PTPRU: variants seen among roughly 807,000 people sequenced by gnomAD.
PTPRU encodes the protein receptor-type tyrosine-protein phosphatase U.
Under a neutral mutation model 166.3 loss-of-function variants are expected in PTPRU, and 69 were observed. The observed-to-expected ratio is 0.41, with a 90% CI of 0.34 to 0.51. The LOEUF (loss-of-function observed/expected upper bound fraction) is 0.51, where lower values mean the gene tolerates loss of function less well. Ranked by LOEUF, PTPRU falls within the 20% of genes least tolerant of loss-of-function variation. PTPRU has a pLI of 0.09. For synonymous variants in PTPRU, 793 were observed against 814.0 expected (o/e 0.97, Z 0.44); for missense variants, 1,657 against 2,013.7 (o/e 0.82, Z 3.39).
chr1:29,275,864 T>G, intron 8 of PTPRU, 108 bp downstream of exon 8: 1 of 1,248,624 alleles, frequency 8.0e-7, no homozygotes, highest in Non-Finnish European at 1.1e-6. Context: ...TTGCTTAGGA[T>G]TAAACCAACT....
intron 15 of PTPRU, among the ~76,000 whole-genome samples, chr1:29,296,219 A>G (rs1421103392): frequency 6.6e-6 from 1 of 152,192 alleles, no homozygotes; most frequent in Non-Finnish European, 1.5e-5. Context: ...TGACTTTAAC[A>G]GGAATGTTTC....
intron 7 of PTPRU, among the ~76,000 whole-genome samples, chr1:29,272,823 C>T (rs1202566745): frequency 6.9e-6 from 1 of 145,044 alleles, no homozygotes; most frequent in African/African-American, 2.6e-5. Flanking sequence ...AGGAGGATCA[C>T]TTGAGCCGGG....
chr1:29,301,969 A>T (rs1574693198), intron 15 of PTPRU, among the ~76,000 whole-genome samples: 1 of 152,076 alleles, frequency 6.6e-6, no homozygotes. Context: ...ACATTTTCTT[A>T]ATCCAGTCTA....
chr1:29,303,745 T>A (rs555961816), intron 15 of PTPRU, 110 bp from the exon 16 acceptor site: 10 of 1,195,814 alleles, frequency 8.4e-6, no homozygotes, highest in Non-Finnish European at 1.2e-5. Context: ...ACAACCCAGC[T>A]ATGCTTGGCA....
At chr1:29,270,542 A>G (rs1192784077) in intron 7 of PTPRU, among the ~76,000 whole-genome samples, 2 of 152,096 alleles carry the variant, frequency 1.3e-5, no homozygotes, top group Non-Finnish European at 2.9e-5. Context: ...CCCCTGAGCG[A>G]TCCTGCCTTG....
At position 29,279,425 on chromosome 1, in the gene PTPRU, G is replaced by A. The variant is rs1369129226; in HGVS notation, c.1564-31G>A. 2.5e-6 allele frequency: 4 copies of A among 1,600,794 alleles called. No individual in the cohort carries two copies. Among genetic ancestry groups the A allele is most frequent in the Non-Finnish European group, 3.4e-6 (4 of 1,168,372 alleles). ...TGGTCAGGGATGCTCTGACCATCCA[G>A]TGCCCACCTGCCTGCCAATCCTGCC... On this transcript the variant is annotated intron_variant, in intron 9 of 29. Coordinates refer to ENST00000373779, the MANE Select transcript of PTPRU (RefSeq NM_133178.4). This position sits in a 1 kb window ranked among gnomAD's most constrained non-coding sequence, Gnocchi z 5.2.
chr1:29,253,565 A>G (rs765460514), intron 1 of PTPRU, among the ~76,000 whole-genome samples: 3 of 152,020 alleles, frequency 2.0e-5, no homozygotes, highest in Non-Finnish European at 4.4e-5. Flanking sequence ...TATATATATA[A>G]ATAAATATGT....
At chr1:29,285,823 C>T (rs1222487897) in intron 14 of PTPRU, among the ~76,000 whole-genome samples, 3 of 152,240 alleles carry the variant, frequency 2.0e-5, no homozygotes, top group Non-Finnish European at 2.9e-5. Context: ...TTTGCCAGCT[C>T]TGCCCCACCA....
At chr1:29,265,723 T>C (rs1685271152) in intron 7 of PTPRU, among the ~76,000 whole-genome samples, 1 of 152,314 alleles carries the variant, frequency 6.6e-6, no homozygotes, top group Admixed American at 6.5e-5. Flanking sequence ...CATCTGTTCA[T>C]GTCTTTGAAC....
chr1:29,305,257 C>T, intron 17 of PTPRU, 95 bp from the exon 18 acceptor site: 1 of 1,236,800 alleles, frequency 8.1e-7, no homozygotes, highest in South Asian at 1.2e-5. Context: ...GCTGCCCTGC[C>T]TGTGCCCTAT....
intron 12 of PTPRU, among the ~76,000 whole-genome samples, chr1:29,283,405 G>A (rs1686192666): frequency 6.9e-6 from 1 of 144,368 alleles, no homozygotes; most frequent in African/African-American, 2.6e-5. Context: ...CCCCCTTCCT[G>A]AGCCTTCTTT....
rs1178665612 is a variant in PTPRU at position 29,311,986 on chromosome 1, A to G, written c.3072+227A>G. Among the ~76,000 whole-genome samples, 2 of 152,244 alleles carry G rather than the reference A, an allele frequency of 1.3e-5. No homozygotes were observed. The highest frequency in any genetic ancestry group is 2.9e-5 in the Non-Finnish European group (2 of 68,034). ...AAGCTGAGACAATGAAGGGGGTGAC[A>G]GTATCTGCCAGGTGCTGGCTCCTAC... On this transcript the variant is annotated intron_variant, in intron 21 of 29. Transcript: ENST00000373779. The surrounding 1 kb of genome is among the most constrained non-coding windows in gnomAD (Gnocchi z 4.1).
intron 4 of PTPRU, 38 bp from the exon 5 acceptor site, chr1:29,259,411 G>T (rs1684924894): frequency 1.9e-6 from 3 of 1,607,126 alleles, no homozygotes; most frequent in Non-Finnish European, 2.6e-6. Context: ...CCTGCAGGGG[G>T]TGCAGGCCCA....
chr1:29,279,714 T>C lies in PTPRU; in HGVS notation c.1765+57T>C. 6.4e-7 allele frequency: 1 copy of C among 1,565,692 alleles called. No homozygotes were observed. The highest frequency in any genetic ancestry group is 8.7e-7 in the Non-Finnish European group (1 of 1,145,698). ...CGGAGGTGGCCCAGAATCCCAGGGT[T>C]CCATGGGCAGAAGGGAAATGGGGGG... is the stretch of plus-strand genomic sequence containing the variant. On this transcript the variant is annotated intron_variant, in intron 10 of 29. Transcript: ENST00000373779. This position sits in a 1 kb window ranked among gnomAD's most constrained non-coding sequence, Gnocchi z 5.2.
intron 14 of PTPRU, among the ~76,000 whole-genome samples, chr1:29,289,445 A>G (rs1313627798): frequency 6.6e-6 from 1 of 151,378 alleles, no homozygotes; most frequent in East Asian, 1.9e-4. Flanking sequence ...TCCTTTTCCC[A>G]CCTCCTCCTC....
rs1688129617 is a variant in PTPRU, at chr1:29,320,909, G to A, written c.3828+84G>A. On this transcript the variant is annotated intron_variant, in intron 26 of 29. Transcript: ENST00000373779. This position sits in a 1 kb window ranked among gnomAD's most constrained non-coding sequence, Gnocchi z 5.2. ...AGGGCCATGGTCCCCAAAGCCAAAAGTTGGGTCCCAGCTCTGCCATCTATT... is the reference window on the plus strand; with the variant it reads ...AGGGCCATGGTCCCCAAAGCCAAAAATTGGGTCCCAGCTCTGCCATCTATT... The A allele has an allele frequency of 1.4e-6, 2 of 1,379,892 alleles. No individual in the cohort carries two copies. Among genetic ancestry groups the A allele is most frequent in the Non-Finnish European group, 1.9e-6 (2 of 1,039,740 alleles). 85.5% of individuals were successfully genotyped at this position (1,379,892 alleles called of 1,614,324 possible).
Position 29,292,505 on chromosome 1 carries a change from C to T in PTPRU, c.2476+479C>T, listed in dbSNP as rs143739855. On this transcript the variant is annotated intron_variant, in intron 15 of 29. Transcript: ENST00000373779. ...TGCAGATTGCCTCTGCTAGTAGGGC[C>T]GATGTGAAGACTAAATGAGATAATG... 6.1e-3 allele frequency among the ~76,000 whole-genome samples: 927 copies of T among 152,122 alleles called. 13 individuals are homozygous for T. Among genetic ancestry groups the T allele is most frequent in the African/African-American group, 0.022 (898 of 41,498 alleles).
At chr1:29,303,828 A>G in intron 15 of PTPRU, 27 bp from the exon 16 acceptor site, 2 of 1,579,280 alleles carry the variant, frequency 1.3e-6, no homozygotes, top group Non-Finnish European at 1.7e-6. Flanking sequence ...GTGTGTCAAG[A>G]ACCCTTTTGT....
chr1:29,305,796 C>A (rs1468393172), intron 18 of PTPRU, among the ~76,000 whole-genome samples: 2 of 152,204 alleles, frequency 1.3e-5, no homozygotes, highest in Non-Finnish European at 2.9e-5. Flanking sequence ...CCTCAAATGG[C>A]AGGCTCAGGA....
Sources: allele counts gnomAD v4.1 joint callset (sites outside exome capture counted in the v4.1 genomes callset), GRCh38; gene constraint gnomAD v4.1.1; non-coding constraint Gnocchi (gnomAD v3.1); transcripts MANE v1.5; gene names NCBI Gene and HGNC (gene_info 2026-07-23, HGNC 2026-07-21).